The following EPSTI1 variants were observed in gnomAD, a reference collection of about 807,000 sequenced individuals.
EPSTI1 encodes the protein epithelial-stromal interaction protein 1.
EPSTI1 carries 66 observed loss-of-function variants against 49.9 expected under a neutral mutation model. The observed-to-expected ratio is 1.32, with a 90% confidence interval of 1.08 to 1.62. The LOEUF is 1.62. Among genes scored for constraint, EPSTI1 ranks in the 40% most tolerant of loss-of-function variants. The pLI, the probability that EPSTI1 is intolerant of heterozygous loss-of-function variation, is 0.00. For missense variants in EPSTI1, 394 were observed against 365.5 expected (o/e 1.08, Z -0.64); for synonymous variants, 137 against 130.7 (o/e 1.05, Z -0.33).
At chr13:42,923,628 A>G (rs1286633725) in intron 7 of EPSTI1, among the ~76,000 whole-genome samples, 2 of 152,242 alleles carry the variant, frequency 1.3e-5, no homozygotes, top group Admixed American at 1.3e-4. Context: ...ATATTTGACT[A>G]GAAATATGCA....
At position 42,927,372 on chromosome 13, in the gene EPSTI1, CA is replaced by C. The variant is rs143197509; in HGVS notation, c.564-944del. Among the ~76,000 whole-genome samples the C allele has an allele frequency of 1.4e-3, 218 of 152,264 alleles. 1 individual carries two copies. Among genetic ancestry groups the C allele is most frequent in the African/African-American group, 4.6e-3 (193 of 41,542 alleles). ...GTGTGATTTTTATCTCTTCATTGCACATTCACAGCCACATACCTCATTGAGC... is the reference window on the plus strand; with the variant it reads ...GTGTGATTTTTATCTCTTCATTGCACTTCACAGCCACATACCTCATTGAGC... On this transcript the variant is annotated intron_variant, in intron 6 of 10. Transcript: ENST00000313624.
At chr13:42,923,543 A>G (rs1481639751) in intron 7 of EPSTI1, among the ~76,000 whole-genome samples, 2 of 152,202 alleles carry the variant, frequency 1.3e-5, no homozygotes, top group African/African-American at 4.8e-5. Flanking sequence ...CCTGGGTGAC[A>G]GAGTGAGACC....
At chr13:42,948,326 C>T (rs1409932385) in intron 6 of EPSTI1, among the ~76,000 whole-genome samples, 1 of 152,028 alleles carries the variant, frequency 6.6e-6, no homozygotes, top group African/African-American at 2.4e-5. Context: ...CAGAGGCTTG[C>T]TTGTCCTTGG....
chr13:42,899,197 CAA>C (rs34907903), intron 9 of EPSTI1, among the ~76,000 whole-genome samples: 17 of 122,178 alleles, frequency 1.4e-4, no homozygotes, highest in Non-Finnish European at 1.1e-4. Flanking sequence ...GACTCTGTCT[CAA>C]AAAAAAAAAA....
At chr13:42,975,995 A>G (rs537524191) in intron 1 of EPSTI1, among the ~76,000 whole-genome samples, 1 of 152,350 alleles carries the variant, frequency 6.6e-6, no homozygotes, top group South Asian at 2.1e-4. Context: ...CTCAGTAAAA[A>G]TAACTGTCAG....
intron 6 of EPSTI1, among the ~76,000 whole-genome samples, chr13:42,932,549 A>G (rs2038411682): frequency 6.6e-6 from 1 of 152,114 alleles, no homozygotes; most frequent in African/African-American, 2.4e-5. Flanking sequence ...CCAAGAGTTA[A>G]CAACTCAGGA....
intron 10 of EPSTI1, among the ~76,000 whole-genome samples, chr13:42,892,071 G>A (rs1444411779): frequency 6.6e-6 from 1 of 152,140 alleles, no homozygotes; most frequent in Admixed American, 6.6e-5. Context: ...GGATATTTTG[G>A]AGAATAGTGT....
intron 8 of EPSTI1, among the ~76,000 whole-genome samples, chr13:42,909,340 G>T (rs2037598168): frequency 6.6e-6 from 1 of 152,104 alleles, no homozygotes; most frequent in South Asian, 2.1e-4. Context: ...TGCTTGTGGG[G>T]GGTGTAAATT....
chr13:42,986,293 C>T (rs187555028), intron 1 of EPSTI1, among the ~76,000 whole-genome samples: 85 of 152,342 alleles, frequency 5.6e-4, no homozygotes, highest in Non-Finnish European at 1.1e-3. Context: ...AATATTTAGC[C>T]ACGGTCCCTG....
intron 1 of EPSTI1, among the ~76,000 whole-genome samples, chr13:42,971,247 G>C (rs879296922): frequency 6.6e-6 from 1 of 152,184 alleles, no homozygotes; most frequent in Non-Finnish European, 1.5e-5. Context: ...GATCAGGGAA[G>C]ACTTTTTAAG....
At chr13:42,950,315 G>A (rs1202576711) in intron 6 of EPSTI1, among the ~76,000 whole-genome samples, 1 of 152,222 alleles carries the variant, frequency 6.6e-6, no homozygotes, top group Non-Finnish European at 1.5e-5. Flanking sequence ...ACCATCCTGT[G>A]TGCTCCATCT....
intron 6 of EPSTI1, among the ~76,000 whole-genome samples, chr13:42,943,205 G>C (rs193252802): frequency 2.0e-5 from 3 of 152,324 alleles, no homozygotes; most frequent in East Asian, 1.9e-4. Context: ...CCAGAATGGG[G>C]ACCACATATT....
rs1381148663 is a variant in EPSTI1, at chr13:42,966,704, C to A, written c.331+2390G>T. On this transcript the variant is annotated intron_variant, in intron 3 of 10. Transcript: ENST00000313624. ...CCGGGAGGGAGGTGGGGGGGTCAGC[C>A]CCCCGCCCGGCCAGCCGCCCCGTCC... 2.4e-5 allele frequency among the ~76,000 whole-genome samples: 2 copies of A among 84,734 alleles called. 1 individual carries two copies. The highest frequency in any genetic ancestry group is 5.3e-5 in the Non-Finnish European group (2 of 37,446). The allele number at this position is 84,734 out of a possible 152,430, so 55.6% of individuals were successfully genotyped here.
intron 9 of EPSTI1, among the ~76,000 whole-genome samples, chr13:42,895,579 T>C (rs2037167240): frequency 6.6e-6 from 1 of 152,174 alleles, no homozygotes; most frequent in African/African-American, 2.4e-5. Flanking sequence ...GTAAACCCCA[T>C]ACATGAAAAG....
chr13:42,889,665 T>G (rs901786883), intron 10 of EPSTI1, among the ~76,000 whole-genome samples: 1 of 152,250 alleles, frequency 6.6e-6, no homozygotes, highest in Non-Finnish European at 1.5e-5. Context: ...GCTAATTCTA[T>G]ATATTAATTT....
intron 6 of EPSTI1, among the ~76,000 whole-genome samples, chr13:42,944,933 TCA>T (rs1301460062): frequency 1.3e-5 from 2 of 152,210 alleles, no homozygotes; most frequent in African/African-American, 4.8e-5. Flanking sequence ...AGCATGAGTC[TCA>T]CTCTGGTCTT....
Position 42,989,868 on chromosome 13 carries a change from C to T in EPSTI1, c.188+2110G>A, listed in dbSNP as rs531213539. On this transcript the variant is annotated intron_variant, in intron 1 of 10. Coordinates refer to ENST00000313624, the MANE Select transcript of EPSTI1 (RefSeq NM_033255.5). Reference sequence around the variant, plus strand: ...TCGGCCTCCCAAAGTGCTGGGATTACAGGCGTGAGACACCATGCCCGGCCT... The same window carrying T: ...TCGGCCTCCCAAAGTGCTGGGATTATAGGCGTGAGACACCATGCCCGGCCT... Among the ~76,000 whole-genome samples, 357 of 152,146 alleles carry T rather than the reference C, an allele frequency of 2.3e-3. 1 individual carries two copies. The highest frequency in any genetic ancestry group is 7.8e-3 in the African/African-American group (325 of 41,514).
At chr13:42,936,856 C>G (rs1222290190) in intron 6 of EPSTI1, among the ~76,000 whole-genome samples, 5 of 152,066 alleles carry the variant, frequency 3.3e-5, no homozygotes, top group Non-Finnish European at 7.4e-5. Flanking sequence ...ATTTTTCTTC[C>G]CAAACCTTGG....
intron 1 of EPSTI1, among the ~76,000 whole-genome samples, chr13:42,975,190 C>A (rs1191344059): frequency 2.6e-5 from 4 of 152,138 alleles, no homozygotes; most frequent in Non-Finnish European, 5.9e-5. Context: ...AACATTGAGT[C>A]AAAACTTTTG....
Sources: gnomAD v4.1 joint callset for allele counts (sites outside exome capture counted in the v4.1 genomes callset) on GRCh38, gnomAD v4.1.1 for gene constraint, MANE v1.5 for transcripts, NCBI Gene and HGNC (gene_info 2026-07-23, HGNC 2026-07-21) for gene names.